DNAJC9: variants seen among roughly 807,000 people sequenced by gnomAD.
DNAJC9 encodes DnaJ heat shock protein family (Hsp40) member C9, also known as dnaJ homolog subfamily C member 9.
A neutral mutation model predicts 32.4 loss-of-function variants in DNAJC9; 18 were observed. The observed-to-expected ratio is 0.56, with a 90% confidence interval of 0.38 to 0.82. DNAJC9 has a LOEUF of 0.82. DNAJC9 is among the 40% of genes least tolerant of loss of function. DNAJC9 has a pLI of 0.00. For missense variants in DNAJC9, 310 were observed against 321.8 expected, an observed-to-expected ratio of 0.96 and a Z score of 0.28; for synonymous variants, 113 against 122.1, an observed-to-expected ratio of 0.93 and a Z score of 0.49.
At chr10:73,234,818 C>T (rs2043784930), downstream of DNAJC9, 10 of 1,551,394 alleles carry the variant, frequency 6.4e-6, no homozygotes, top group African/African-American at 1.4e-5. Context: ...GATCTGCAGC[C>T]CAGTGGCACC....
At position 73,243,929 on chromosome 10, in the gene DNAJC9, C is replaced by G; in HGVS notation, c.577G>C (p.Ala193Pro). Residue 193 changes from alanine to proline, a missense_variant and splice_region_variant, in exon 4 of 5, where the codon GCT becomes CCT. Ala to Pro is a conservative substitution (Grantham distance 27, BLOSUM62 -1). Transcript: ENST00000372950. ...TCTGCTTCTTTGGCCTCTTCCTGAG[C>G]CTGAAACAGGAACTCACATGAGACT... Reference protein sequence around the residue: ...KQKMNARKRRAQEEAKEAEMS... With the variant: ...KQKMNARKRRPQEEAKEAEMS... 6.2e-7 allele frequency: 1 copy of G among 1,613,874 alleles called. No individual in the cohort carries two copies. Among genetic ancestry groups the G allele is most frequent in the Non-Finnish European group, 8.5e-7 (1 of 1,179,896 alleles).
At chr10:73,235,417 A>G, downstream of DNAJC9, 1 of 1,486,284 alleles carries the variant, frequency 6.7e-7, no homozygotes, top group Non-Finnish European at 8.9e-7. Context: ...CTAGAGGCTT[A>G]ACCCAGAATA....
At chr10:73,237,298 G>C (rs1246809846), downstream of DNAJC9, among the ~76,000 whole-genome samples, 1 of 152,172 alleles carries the variant, frequency 6.6e-6, no homozygotes, top group Non-Finnish European at 1.5e-5. Context: ...TCTGATTCTT[G>C]GGGTTCAGTG....
rs571361869 is a variant in DNAJC9, at chr10:73,233,195, G to A, written n.147+10648C>T. 76 of 1,413,312 alleles carry A rather than the reference G, an allele frequency of 5.4e-5. 1 individual carries two copies. The highest frequency in any genetic ancestry group is 2.8e-4 in the South Asian group (23 of 81,148). The allele number at this position is 1,413,312 out of a possible 1,614,324, so 87.5% of individuals were successfully genotyped here. ...TTCAAAAGCAGAACTTCTGGAAACCGTGGTAAAACTAACACATTTTACATA... is the reference window on the plus strand; with the variant it reads ...TTCAAAAGCAGAACTTCTGGAAACCATGGTAAAACTAACACATTTTACATA... On this transcript the variant is annotated intron_variant and non_coding_transcript_variant, in intron 2 of 2. Transcript: ENST00000469143.
chr10:73,246,905 G>A (rs1281798308), intron 1 of DNAJC9, 77 bp from the exon 2 acceptor site: 2 of 1,602,078 alleles, frequency 1.2e-6, no homozygotes, highest in Non-Finnish European at 1.7e-6. Context: ...AGATCAGAAG[G>A]CGCCAAGCGG....
intron 4 of DNAJC9, 71 bp from the exon 5 acceptor site, chr10:73,243,590 G>A (rs1027433857): frequency 6.3e-7 from 1 of 1,586,420 alleles, no homozygotes; most frequent in African/African-American, 1.4e-5. Context: ...TGGTTGCCAG[G>A]GGCTGGAAAA....
chr10:73,243,542 A>G, intron 4 of DNAJC9, 23 bp from the exon 5 acceptor site: 1 of 1,613,610 alleles, frequency 6.2e-7, no homozygotes, highest in Non-Finnish European at 8.5e-7. Context: ...TTAAAACACA[A>G]GCTTTCACAA....
rs753804317 is a variant in DNAJC9, at chr10:73,247,070, C to T, written c.120G>A (p.Leu40=). The T allele has an allele frequency of 6.9e-6, 11 of 1,589,762 alleles. No individual in the cohort carries two copies. The highest frequency in any genetic ancestry group is 9.4e-6 in the Non-Finnish European group (11 of 1,169,314). ...EVRRGYHKVS[L]QVHPDRVGEG... The stretch of plus-strand genomic sequence containing the variant: ...CACCCACCCGGTCCGGGTGTACCTG[C>T]AGGGACACCTTGTGGTAGCCTCGTC... The change falls in exon 1 of 5, where the codon CTG becomes CTA. Residue 40 remains leucine, a synonymous_variant. Transcript: ENST00000372950.
At position 73,247,242 on chromosome 10, in the gene DNAJC9, T is replaced by C. The variant is rs767584281; in HGVS notation, c.-53A>G. ...AGCAGCCGCTCCCAGCTGCGCCGGGTACAACCCAGGACTGCTTCTTTTTCG... is the reference window on the plus strand; with the variant it reads ...AGCAGCCGCTCCCAGCTGCGCCGGGCACAACCCAGGACTGCTTCTTTTTCG... On this transcript the variant is annotated 5_prime_UTR_variant, in exon 1 of 5. Coordinates refer to ENST00000372950, the MANE Select transcript of DNAJC9 (RefSeq NM_015190.5). 24 of 1,552,044 alleles carry C rather than the reference T, an allele frequency of 1.5e-5. No individual in the cohort carries two copies. Among genetic ancestry groups the C allele is most frequent in the Admixed American group, 1.4e-4 (7 of 51,800 alleles).
At chr10:73,236,291 A>G (rs775382542), downstream of DNAJC9, among the ~76,000 whole-genome samples, 14 of 152,214 alleles carry the variant, frequency 9.2e-5, no homozygotes, top group Non-Finnish European at 1.9e-4. Flanking sequence ...CAAGGTGTCA[A>G]CAGAGCTATG....
At chr10:73,246,597 A>G in intron 2 of DNAJC9, 91 bp downstream of exon 2, 1 of 1,447,482 alleles carries the variant, frequency 6.9e-7, no homozygotes, top group Non-Finnish European at 9.5e-7. Context: ...CTACAAAATT[A>G]ACACAAAATA....
At chr10:73,241,193 T>G (rs2043945212), downstream of DNAJC9, 4 of 581,730 alleles carry the variant, frequency 6.9e-6, no homozygotes, top group Admixed American at 5.4e-5. Context: ...AAAAATGACA[T>G]GAGTGTTGTT....
In DNAJC9 at chr10:73,242,465, CTG is replaced by C. The variant is rs2043965768; in HGVS notation, c.*933_*934del. 1 of 152,206 alleles carries C rather than the reference CTG, an allele frequency of 6.6e-6. No individual in the cohort carries two copies. The highest frequency in any genetic ancestry group is 1.5e-5 in the Non-Finnish European group (1 of 68,042). 9.4% of individuals were successfully genotyped at this position (152,206 alleles called of 1,614,324 possible). On this transcript the variant is annotated 3_prime_UTR_variant, in exon 5 of 5. Coordinates refer to ENST00000372950, the MANE Select transcript of DNAJC9 (RefSeq NM_015190.5). ...AGTCATTTAGCCCAATTCCCTCACC[CTG>C]TGTGTTTTCCCTCAAAGCCAGTGCA...
chr10:73,244,843 T>A (rs1003583488), intron 3 of DNAJC9, among the ~76,000 whole-genome samples: 1 of 152,222 alleles, frequency 6.6e-6, no homozygotes, highest in African/African-American at 2.4e-5. Context: ...AGGATGATGA[T>A]ACATTAGGAC....
At chr10:73,237,015 CCT>C (rs1165282959), downstream of DNAJC9, among the ~76,000 whole-genome samples, 1 of 152,012 alleles carries the variant, frequency 6.6e-6, no homozygotes, top group Non-Finnish European at 1.5e-5. Context: ...GCCCAGCCTG[CCT>C]CTGTCTTTAC....
Position 73,244,045 on chromosome 10 carries a change from A to AAATGAATCG in DNAJC9, c.577-125_577-117dup. On this transcript the variant is annotated intron_variant, in intron 3 of 4. Transcript: ENST00000372950. ...AATTTTATGAATATATGAATAGACA[A>AAATGAATCG]AATGAATCGAATTACATAACTATGT... 3.9e-6 allele frequency: 3 copies of AAATGAATCG among 774,880 alleles called. No homozygotes were observed. In the South Asian group the frequency reaches 5.4e-5, roughly 14 times the overall value. The allele number at this position is 774,880 out of a possible 1,614,324, so 48.0% of individuals were successfully genotyped here. A position where few individuals can be genotyped will look rare whatever the true frequency, so the allele number is the denominator to read the frequency against.
chr10:73,233,070 A>G, intron 2 of DNAJC9: 1 of 1,551,702 alleles, frequency 6.4e-7, no homozygotes, highest in Non-Finnish European at 8.7e-7. Context: ...AGGAGACGCA[A>G]TCCACCACCA....
chr10:73,245,171 C>A (rs532920299), intron 3 of DNAJC9, among the ~76,000 whole-genome samples: 1 of 152,224 alleles, frequency 6.6e-6, no homozygotes, highest in South Asian at 2.1e-4. Flanking sequence ...GCAAAACAGG[C>A]CCTTCAAATT....
Position 73,243,221 on chromosome 10 carries a change from T to C in DNAJC9, c.*179A>G. 1.5e-6 allele frequency: 1 copy of C among 646,162 alleles called. No homozygotes were observed. The highest frequency in any genetic ancestry group is 1.9e-5 in the South Asian group (1 of 52,226). The allele number at this position is 646,162 out of a possible 1,614,324, so 40.0% of individuals were successfully genotyped here. A position where few individuals can be genotyped will look rare whatever the true frequency, so the allele number is the denominator to read the frequency against. On this transcript the variant is annotated 3_prime_UTR_variant, in exon 5 of 5. Transcript: ENST00000372950. The stretch of plus-strand genomic sequence containing the variant: ...AGACCTCACACAATGTCAAGTGCTT[T>C]CTAGGAAATACTAAGATCAGGTTGA...
Sources: gnomAD v4.1 joint callset for allele counts (sites outside exome capture counted in the v4.1 genomes callset) on GRCh38, gnomAD v4.1.1 for gene constraint, MANE v1.5 for transcripts, NCBI Gene and HGNC (gene_info 2026-07-23, HGNC 2026-07-21) for gene names.